The following LRP1B variants were observed in gnomAD, a reference collection of about 807,000 sequenced individuals.
LRP1B encodes the protein low-density lipoprotein receptor-related protein 1B.
Under a neutral mutation model 556.6 loss-of-function variants are expected in LRP1B, and 217 were observed. The observed-to-expected ratio is 0.39, with a 90% CI of 0.35 to 0.44. The LOEUF (loss-of-function observed/expected upper bound fraction) is 0.44, where lower values mean the gene tolerates loss of function less well. LRP1B is among the 20% of genes least tolerant of loss of function. The pLI, the probability that LRP1B is intolerant of heterozygous loss-of-function variation, is 1.00. For missense variants in LRP1B, 5,053 were observed against 5,620.8 expected (o/e 0.90, Z 3.23); for synonymous variants, 2,047 against 1,865.8 (o/e 1.10, Z -2.50).
chr2:141,887,200 T>A (rs921138934), intron 1 of LRP1B, among the ~76,000 whole-genome samples: 2 of 152,078 alleles, frequency 1.3e-5, no homozygotes, highest in Admixed American at 1.3e-4. Context: ...TTCACAATGT[T>A]GGCCAGGCTG....
intron 34 of LRP1B, among the ~76,000 whole-genome samples, chr2:140,769,795 T>C (rs192992894): frequency 1.3e-5 from 2 of 149,322 alleles, no homozygotes; most frequent in East Asian, 4.0e-4. Context: ...TGATTTAAGA[T>C]AACTGTATCA....
At chr2:142,022,378 CTTT>C (rs1703357044) in intron 1 of LRP1B, among the ~76,000 whole-genome samples, 1 of 149,570 alleles carries the variant, frequency 6.7e-6, no homozygotes, top group African/African-American at 2.4e-5. Flanking sequence ...ATTTGAAACA[CTTT>C]ATTATTATTA....
In LRP1B at chr2:141,773,144, ACTT is replaced by A. The variant is rs575458808; in HGVS notation, c.205+37132_205+37134del. ...TATTTTCTAGTTGTGAAGTTAGATG[ACTT>A]CTTCTTCTATGTGTTTAACTGTCCT... On this transcript the variant is annotated intron_variant, in intron 2 of 90. Coordinates refer to ENST00000389484, the MANE Select transcript of LRP1B (RefSeq NM_018557.3). Among the ~76,000 whole-genome samples, 27 of 152,272 alleles carry A rather than the reference ACTT, an allele frequency of 1.8e-4. No individual in the cohort carries two copies. The South Asian group carries it at 5.2e-3, about 29-fold the overall frequency.
chr2:140,993,260 C>A (rs1354360532), intron 16 of LRP1B, among the ~76,000 whole-genome samples: 1 of 151,966 alleles, frequency 6.6e-6, no homozygotes, highest in East Asian at 1.9e-4. Flanking sequence ...TCAACACATG[C>A]CTTCTTTTCA....
chr2:141,182,287 G>T (rs1044222214), intron 7 of LRP1B, among the ~76,000 whole-genome samples: 6 of 151,872 alleles, frequency 4.0e-5, no homozygotes, highest in African/African-American at 1.5e-4. Context: ...GAATCTGTGG[G>T]CTATAGATAA....
chr2:141,168,815 T>A (rs1680373024), intron 7 of LRP1B, among the ~76,000 whole-genome samples: 1 of 151,992 alleles, frequency 6.6e-6, no homozygotes, highest in African/African-American at 2.4e-5. Flanking sequence ...TTCTGTAAAA[T>A]GGGTACAATA....
chr2:141,607,027 T>C (rs1387287627), intron 2 of LRP1B, among the ~76,000 whole-genome samples: 1 of 152,054 alleles, frequency 6.6e-6, no homozygotes, highest in East Asian at 1.9e-4. Flanking sequence ...CCAACAAATA[T>C]GTTTTCAGTA....
intron 17 of LRP1B, among the ~76,000 whole-genome samples, chr2:140,983,442 A>G (rs1239430937): frequency 6.6e-6 from 1 of 152,120 alleles, no homozygotes; most frequent in East Asian, 1.9e-4. Flanking sequence ...TCTCATCAAC[A>G]CACTTTGTGA....
chr2:140,503,354 G>A (rs1689277421), intron 53 of LRP1B, among the ~76,000 whole-genome samples: 1 of 152,048 alleles, frequency 6.6e-6, no homozygotes, highest in Non-Finnish European at 1.5e-5. Flanking sequence ...ATAAGAAAGT[G>A]ACCCTTGACT....
At chr2:140,603,967 T>C (rs1327305721) in intron 41 of LRP1B, among the ~76,000 whole-genome samples, 1 of 152,094 alleles carries the variant, frequency 6.6e-6, no homozygotes, top group East Asian at 1.9e-4. Flanking sequence ...TGTGTGTGTG[T>C]GCACACACAT....
At chr2:141,525,710 A>G (rs1009003803) in intron 2 of LRP1B, among the ~76,000 whole-genome samples, 1 of 152,004 alleles carries the variant, frequency 6.6e-6, no homozygotes, top group Non-Finnish European at 1.5e-5. Flanking sequence ...CACTGGTCAT[A>G]GGAGAAAATA....
intron 2 of LRP1B, among the ~76,000 whole-genome samples, chr2:141,525,080 A>G (rs878895688): frequency 1.3e-5 from 2 of 151,970 alleles, no homozygotes; most frequent in Admixed American, 1.3e-4. Context: ...AATACATTGC[A>G]TGTTTAAGTG....
chr2:140,626,394 T>C (rs1405479192), intron 41 of LRP1B, among the ~76,000 whole-genome samples: 6 of 152,160 alleles, frequency 3.9e-5, no homozygotes, highest in East Asian at 1.9e-4. Flanking sequence ...TGTATCAATA[T>C]AGGTTAATCT....
intron 1 of LRP1B, among the ~76,000 whole-genome samples, chr2:141,951,835 G>T (rs1424651466): frequency 6.6e-6 from 1 of 151,958 alleles, no homozygotes; most frequent in Non-Finnish European, 1.5e-5. Flanking sequence ...AAGTTCAGAA[G>T]AATTTTTTTT....
chr2:141,607,641 C>T (rs1366599176), intron 2 of LRP1B, among the ~76,000 whole-genome samples: 5 of 152,128 alleles, frequency 3.3e-5, no homozygotes, highest in Non-Finnish European at 5.9e-5. Flanking sequence ...TGTTTAGGCC[C>T]AGCATGGTGG....
At chr2:140,315,225 C>G (rs967463606) in intron 82 of LRP1B, 126 bp from the exon 83 acceptor site, 1 of 599,162 alleles carries the variant, frequency 1.7e-6, no homozygotes, top group South Asian at 3.5e-5. Flanking sequence ...ACCCCAAGTA[C>G]AAAAGAAGAA....
intron 7 of LRP1B, among the ~76,000 whole-genome samples, chr2:141,123,766 T>C (rs1432947036): frequency 6.6e-6 from 1 of 152,170 alleles, no homozygotes; most frequent in East Asian, 1.9e-4. Context: ...CTACTTCTCT[T>C]TACTCACGAT....
At chr2:141,759,723 AATGG>A (rs1191664762) in intron 2 of LRP1B, among the ~76,000 whole-genome samples, 2 of 152,204 alleles carry the variant, frequency 1.3e-5, no homozygotes, top group African/African-American at 4.8e-5. Context: ...AAGAAAATAT[AATGG>A]ATGGTCTTTT....
At chr2:141,142,335 G>A (rs137882481) in intron 7 of LRP1B, among the ~76,000 whole-genome samples, 5 of 152,176 alleles carry the variant, frequency 3.3e-5, no homozygotes, top group African/African-American at 9.6e-5. Flanking sequence ...TGCAAACATC[G>A]GCTTCAGTTT....
Sources: gnomAD v4.1 joint callset for allele counts (sites outside exome capture counted in the v4.1 genomes callset) on GRCh38, gnomAD v4.1.1 for gene constraint, MANE v1.5 for transcripts, NCBI Gene and HGNC (gene_info 2026-07-23, HGNC 2026-07-21) for gene names.